ATP8A2: variants seen among roughly 807,000 people sequenced by gnomAD.
ATP8A2 encodes the protein ATPase phospholipid transporting 8A2.
In ATP8A2, 100 loss-of-function variants were observed where a neutral mutation model predicts 165.6. The ratio of observed to expected loss-of-function variants is 0.60; its 90% CI spans 0.51 to 0.71. The LOEUF (loss-of-function observed/expected upper bound fraction) is 0.71, where lower values mean the gene tolerates loss of function less well. ATP8A2 is among the 30% of genes least tolerant of loss of function. The pLI is 0.00. For missense variants in ATP8A2, 1,227 were observed against 1,479.5 expected (o/e 0.83, Z 2.80); for synonymous variants, 543 against 548.8 (o/e 0.99, Z 0.15).
chr13:25,646,032 A>G (rs58293352), intron 24 of ATP8A2, among the ~76,000 whole-genome samples: 5,243 of 152,210 alleles, frequency 0.034, 152 homozygotes, highest in East Asian at 0.13. Context: ...TGCTGTTATT[A>G]TATTGGAATC....
At chr13:25,992,218 CT>C (rs560341350) in intron 35 of ATP8A2, among the ~76,000 whole-genome samples, 2,563 of 120,526 alleles carry the variant, frequency 0.021, 47 homozygotes, top group African/African-American at 0.059. Flanking sequence ...CAGTGCTGTC[CT>C]TTTTTTTTTT....
chr13:25,592,228 A>G (rs957433531), intron 24 of ATP8A2, among the ~76,000 whole-genome samples: 1 of 151,098 alleles, frequency 6.6e-6, no homozygotes, highest in Non-Finnish European at 1.5e-5. Flanking sequence ...GTGTTATGAC[A>G]TAATTTGTAT....
Position 25,922,974 on chromosome 13 carries a change from C to T in ATP8A2, c.3184-38601C>T, listed in dbSNP as rs992018363. 2.0e-5 allele frequency among the ~76,000 whole-genome samples: 3 copies of T among 152,188 alleles called. No individual in the cohort carries two copies. In the South Asian group the frequency reaches 6.2e-4, roughly 32 times the overall value. On this transcript the variant is annotated intron_variant, in intron 33 of 36. Coordinates refer to ENST00000381655, the MANE Select transcript of ATP8A2 (RefSeq NM_016529.6). Reference sequence around the variant, plus strand: ...TCTTGGACCCTGCGCCATGTTGATCCAGAACTGATGTGGACTCTTTTCCGT... The same window carrying T: ...TCTTGGACCCTGCGCCATGTTGATCTAGAACTGATGTGGACTCTTTTCCGT...
At chr13:25,524,801 T>A (rs554549349) in intron 2 of ATP8A2, among the ~76,000 whole-genome samples, 1 of 152,022 alleles carries the variant, frequency 6.6e-6, no homozygotes. Flanking sequence ...AATTAGAGAA[T>A]TAAGTTCATT....
intron 25 of ATP8A2, among the ~76,000 whole-genome samples, chr13:25,734,568 C>G (rs2043725603): frequency 6.6e-6 from 1 of 152,144 alleles, no homozygotes; most frequent in Non-Finnish European, 1.5e-5. Context: ...TTAAAGCAAC[C>G]CTTGCCTTTA....
At chr13:25,999,785 A>G (rs1216314994) in intron 35 of ATP8A2, among the ~76,000 whole-genome samples, 1 of 152,164 alleles carries the variant, frequency 6.6e-6, no homozygotes, top group East Asian at 1.9e-4. Flanking sequence ...GAAGATGCAT[A>G]TGGATTGGCA....
At chr13:25,867,253 G>A (rs1952533165) in intron 33 of ATP8A2, among the ~76,000 whole-genome samples, 1 of 151,990 alleles carries the variant, frequency 6.6e-6, no homozygotes, top group Non-Finnish European at 1.5e-5. Context: ...AACAGAGGGA[G>A]GAATGGTTCT....
At chr13:25,488,239 G>T (rs2036413573) in intron 2 of ATP8A2, among the ~76,000 whole-genome samples, 1 of 152,026 alleles carries the variant, frequency 6.6e-6, no homozygotes, top group South Asian at 2.1e-4. Flanking sequence ...TAGTGTTAAG[G>T]ATAGTCACAC....
intron 35 of ATP8A2, among the ~76,000 whole-genome samples, chr13:26,012,091 T>C (rs1956860556): frequency 6.6e-6 from 1 of 151,936 alleles, no homozygotes; most frequent in South Asian, 2.1e-4. Context: ...TTCATTGGGG[T>C]TCAAAATAAT....
chr13:25,882,324 A>G lies in ATP8A2; in HGVS notation c.3183+19916A>G, dbSNP rs138785769. Among the ~76,000 whole-genome samples, 461 of 152,352 alleles carry G rather than the reference A, an allele frequency of 3.0e-3. 2 individuals carry two copies. The highest frequency in any genetic ancestry group is 0.011 in the African/African-American group (445 of 41,580). Reference sequence around the variant, plus strand: ...AAATCTTCATTATTTGAAAAGATTAAGCTTACTTGACTGCTCCCTCTTCTA... The same window carrying G: ...AAATCTTCATTATTTGAAAAGATTAGGCTTACTTGACTGCTCCCTCTTCTA... On this transcript the variant is annotated intron_variant, in intron 33 of 36. Coordinates refer to ENST00000381655, the MANE Select transcript of ATP8A2 (RefSeq NM_016529.6).
At chr13:25,751,476 G>T (rs909229846) in intron 25 of ATP8A2, among the ~76,000 whole-genome samples, 1 of 151,762 alleles carries the variant, frequency 6.6e-6, no homozygotes, top group African/African-American at 2.4e-5. Flanking sequence ...TAAGAGACAG[G>T]GTCTCACTCT....
chr13:25,629,009 C>T (rs1410290906), intron 24 of ATP8A2, among the ~76,000 whole-genome samples: 1 of 152,164 alleles, frequency 6.6e-6, no homozygotes, highest in African/African-American at 2.4e-5. Flanking sequence ...TCCAGGGGAG[C>T]ATAATTGGTC....
chr13:25,751,493 C>T (rs1025866767), intron 25 of ATP8A2, among the ~76,000 whole-genome samples: 1 of 151,994 alleles, frequency 6.6e-6, no homozygotes, highest in African/African-American at 2.4e-5. Context: ...CTCTATCACC[C>T]GAGCACAGTC....
At chr13:25,713,943 G>A (rs948772327) in intron 25 of ATP8A2, among the ~76,000 whole-genome samples, 2 of 151,984 alleles carry the variant, frequency 1.3e-5, no homozygotes, top group Non-Finnish European at 2.9e-5. Flanking sequence ...TTAGATGCTT[G>A]GTCTCTTGTA....
intron 2 of ATP8A2, among the ~76,000 whole-genome samples, chr13:25,479,968 A>G (rs988754896): frequency 5.3e-5 from 8 of 151,906 alleles, no homozygotes; most frequent in Non-Finnish European, 1.5e-5. Flanking sequence ...CCACAAAACC[A>G]CCATTGTCAT....
chr13:25,873,116 G>A (rs1210162647), intron 33 of ATP8A2, among the ~76,000 whole-genome samples: 1 of 152,146 alleles, frequency 6.6e-6, no homozygotes, highest in Non-Finnish European at 1.5e-5. Flanking sequence ...AGGAAACTCA[G>A]CCTCAGCCCA....
At chr13:25,757,526 C>T (rs1385753411) in intron 25 of ATP8A2, among the ~76,000 whole-genome samples, 1 of 106,906 alleles carries the variant, frequency 9.4e-6, no homozygotes, top group African/African-American at 3.3e-5. Flanking sequence ...TGTGTGTGTG[C>T]ACACGCACTT....
chr13:25,968,211 G>A (rs1352279791), intron 34 of ATP8A2, among the ~76,000 whole-genome samples: 1 of 152,222 alleles, frequency 6.6e-6, no homozygotes. Context: ...TAAGGTGAGG[G>A]TTTAAAGTGT....
At chr13:25,629,892 A>G (rs1244305288) in intron 24 of ATP8A2, among the ~76,000 whole-genome samples, 4 of 152,076 alleles carry the variant, frequency 2.6e-5, no homozygotes, top group Non-Finnish European at 5.9e-5. Flanking sequence ...GGGAAAGAGT[A>G]ATATAATATT....
Sources: allele counts gnomAD v4.1 joint callset (sites outside exome capture counted in the v4.1 genomes callset), GRCh38; gene constraint gnomAD v4.1.1; transcripts MANE v1.5; gene names NCBI Gene and HGNC (gene_info 2026-07-23, HGNC 2026-07-21).